CACNA1I: variants seen among roughly 807,000 people sequenced by gnomAD.
CACNA1I encodes the protein calcium voltage-gated channel subunit alpha1 I, also known as voltage-dependent T-type calcium channel subunit alpha-1I.
CACNA1I carries 74 observed loss-of-function variants against 201.6 expected under a neutral mutation model. The observed-to-expected ratio is 0.37, with a 90% CI of 0.30 to 0.45. The LOEUF (loss-of-function observed/expected upper bound fraction) is 0.45. CACNA1I is among the 20% of genes least tolerant of loss of function. CACNA1I has a pLI of 1.00. For missense variants in CACNA1I, 2,346 were observed against 3,138.1 expected, an observed-to-expected ratio of 0.75 and a Z score of 6.03; for synonymous variants, 1,431 against 1,345.2, an observed-to-expected ratio of 1.06 and a Z score of -1.40.
intron 3 of CACNA1I, among the ~76,000 whole-genome samples, chr22:39,617,693 C>T (rs951265649): frequency 2.6e-5 from 4 of 152,128 alleles, no homozygotes; most frequent in African/African-American, 9.7e-5. Flanking sequence ...AATCCTCATG[C>T]AGTCCCGCTC....
At chr22:39,643,702 C>T (rs929196249) in intron 7 of CACNA1I, among the ~76,000 whole-genome samples, 1 of 152,200 alleles carries the variant, frequency 6.6e-6, no homozygotes, top group African/African-American at 2.4e-5. Flanking sequence ...AGCAGGTGAC[C>T]TGAGACACCT....
At chr22:39,664,287 C>T in intron 20 of CACNA1I, 128 bp downstream of exon 20, 2 of 758,074 alleles carry the variant, frequency 2.6e-6, no homozygotes, top group Admixed American at 2.4e-5. Flanking sequence ...CATGGCCCAC[C>T]CCTCTGGGTG....
In CACNA1I at chr22:39,644,057, G is replaced by A. The variant is rs148542553; in HGVS notation, c.1149+1168G>A. Among the ~76,000 whole-genome samples, 41 of 152,324 alleles carry A rather than the reference G, an allele frequency of 2.7e-4. 2 individuals are homozygous for A. Among genetic ancestry groups the A allele is most frequent in the African/African-American group, 9.9e-4 (41 of 41,570 alleles). On this transcript the variant is annotated intron_variant, in intron 7 of 36. Transcript: ENST00000402142. ...GCCTGGAGGAGGGATGGGGAGGTGG[G>A]AGGCTTCCTGGAGGAGGTGATGCCA...
At chr22:39,664,281 G>A (rs990624774) in intron 20 of CACNA1I, 122 bp downstream of exon 20, 1 of 804,420 alleles carries the variant, frequency 1.2e-6, no homozygotes, top group East Asian at 2.8e-5. Flanking sequence ...TAGCCCCATG[G>A]CCCACCCCTC....
In CACNA1I at chr22:39,598,612, C is replaced by T. The variant is rs1601806415; in HGVS notation, c.348+350C>T. 2.6e-5 allele frequency among the ~76,000 whole-genome samples: 4 copies of T among 152,174 alleles called. No homozygotes were observed. The South Asian group carries it at 8.3e-4, about 32-fold the overall frequency. On this transcript the variant is annotated intron_variant, in intron 2 of 36. Transcript: ENST00000402142. ...TGCCCCCACCAGCCTTCTCCTGCAC[C>T]CGCCACATGCACACCTGCAAAGAAC...
chr22:39,640,814 C>A, intron 5 of CACNA1I, 53 bp from the exon 6 acceptor site: 3 of 1,460,772 alleles, frequency 2.1e-6, no homozygotes, highest in Non-Finnish European at 2.8e-6. Flanking sequence ...CCTGATCCTC[C>A]TGACAGTGAC....
chr22:39,656,754 C>T (rs377071279), intron 10 of CACNA1I: 3 of 519,084 alleles, frequency 5.8e-6, no homozygotes, highest in African/African-American at 3.8e-5. Flanking sequence ...TGCCCTGCCA[C>T]ATCCTTGCTA....
In CACNA1I at chr22:39,686,609, C is replaced by CATATATATATATATATGCATATAT. The variant is rs1418701377; in HGVS notation, c.*221_*244dup. On this transcript the variant is annotated 3_prime_UTR_variant, in exon 37 of 37. Coordinates refer to ENST00000402142, the MANE Select transcript of CACNA1I (RefSeq NM_021096.4). ...GTGGCCCTTCCAGTGCATATACATA[C>CATATATATATATATATGCATATAT]ATATATATATATATATGCATATATA... is the stretch of plus-strand genomic sequence containing the variant. 1.5e-5 allele frequency: 2 copies of CATATATATATATATATGCATATAT among 135,826 alleles called. No homozygotes were observed. The highest frequency in any genetic ancestry group is 3.1e-5 in the Non-Finnish European group (2 of 63,588). The allele number at this position is 135,826 out of a possible 1,614,324, so 8.4% of individuals were successfully genotyped here.
chr22:39,678,998 G>A, intron 31 of CACNA1I, 109 bp from the exon 32 acceptor site: 1 of 827,578 alleles, frequency 1.2e-6, no homozygotes, highest in East Asian at 2.8e-5. Context: ...CATCTCGGGG[G>A]TTGAATCTCG....
At chr22:39,594,842 A>G (rs1197205897) in intron 1 of CACNA1I, among the ~76,000 whole-genome samples, 1 of 152,104 alleles carries the variant, frequency 6.6e-6, no homozygotes, top group Non-Finnish European at 1.5e-5. Flanking sequence ...CCTTACCCAC[A>G]AGGGACACAT....
intron 10 of CACNA1I, among the ~76,000 whole-genome samples, chr22:39,654,458 C>T (rs1371226531): frequency 6.6e-6 from 1 of 151,334 alleles, no homozygotes; most frequent in Non-Finnish European, 1.5e-5. Flanking sequence ...TAGGGCTGAC[C>T]CCAGGCCAGG....
At chr22:39,675,675 C>A (rs2146471671) in intron 29 of CACNA1I, among the ~76,000 whole-genome samples, 1 of 152,330 alleles carries the variant, frequency 6.6e-6, no homozygotes. Context: ...TCAGCCTCTT[C>A]CCACCAGTCT....
intron 3 of CACNA1I, among the ~76,000 whole-genome samples, chr22:39,618,348 GGTGTGTGGTTGT>G (rs1281979200): frequency 9.5e-5 from 14 of 147,146 alleles, no homozygotes; most frequent in African/African-American, 2.8e-4. Context: ...TGTGTTTGTG[GGTGTGTGGTTGT>G]GTGCGTGTGT....
intron 3 of CACNA1I, among the ~76,000 whole-genome samples, chr22:39,608,515 T>A (rs553167298): frequency 5.3e-5 from 8 of 152,230 alleles, no homozygotes; most frequent in African/African-American, 1.9e-4. Context: ...GCACCTTGGC[T>A]AGAGGGTGAG....
chr22:39,591,963 TGGCACACAACA>T (rs1478379988), intron 1 of CACNA1I, among the ~76,000 whole-genome samples: 1 of 152,230 alleles, frequency 6.6e-6, no homozygotes, highest in East Asian at 1.9e-4. Flanking sequence ...GGCTGGCGCC[TGGCACACAACA>T]GGCACACAAT....
Position 39,677,448 on chromosome 22 carries a change from TG to T in CACNA1I, c.4933+34del. On this transcript the variant is annotated intron_variant, in intron 30 of 36. Transcript: ENST00000402142. This position sits in a 1 kb window ranked among gnomAD's most constrained non-coding sequence, Gnocchi z 4.8. ...AGTGACTCCCAGAGCAGGCCCGTGGTGGGGGTGCAGCAGGGCTGCAGGAGGA... is the reference window on the plus strand; with the variant it reads ...AGTGACTCCCAGAGCAGGCCCGTGGTGGGGTGCAGCAGGGCTGCAGGAGGA... 1.4e-6 allele frequency: 2 copies of T among 1,426,936 alleles called. No individual in the cohort carries two copies. The highest frequency in any genetic ancestry group is 9.5e-7 in the Non-Finnish European group (1 of 1,053,764). 88.4% of individuals were successfully genotyped at this position (1,426,936 alleles called of 1,614,324 possible). A position where few individuals can be genotyped will look rare whatever the true frequency, so the allele number is the denominator to read the frequency against.
At chr22:39,682,442 C>T in intron 34 of CACNA1I, 54 bp from the exon 35 acceptor site, 1 of 1,527,914 alleles carries the variant, frequency 6.5e-7, no homozygotes, top group Non-Finnish European at 9.0e-7. Flanking sequence ...AGGTACCCTT[C>T]ATGAGCTGTC....
At chr22:39,638,594 A>G (rs1381170013) in intron 5 of CACNA1I, among the ~76,000 whole-genome samples, 1 of 151,840 alleles carries the variant, frequency 6.6e-6, no homozygotes, top group Non-Finnish European at 1.5e-5. Context: ...TCCATTGGTG[A>G]GTGTTTCTTC....
At chr22:39,578,383 C>T (rs1021645117) in intron 1 of CACNA1I, among the ~76,000 whole-genome samples, 11 of 152,292 alleles carry the variant, frequency 7.2e-5, no homozygotes, top group South Asian at 4.1e-4. Context: ...ATCCTCCCTG[C>T]CCCCAGTCCT....
Sources: allele counts gnomAD v4.1 joint callset (sites outside exome capture counted in the v4.1 genomes callset), GRCh38; gene constraint gnomAD v4.1.1; non-coding constraint Gnocchi (gnomAD v3.1); transcripts MANE v1.5; gene names NCBI Gene and HGNC (gene_info 2026-07-23, HGNC 2026-07-21).